The following TENM2 variants were observed in gnomAD, a reference collection of about 807,000 sequenced individuals.
TENM2 encodes teneurin transmembrane protein 2.
TENM2 carries 52 observed loss-of-function variants against 245.2 expected under a neutral mutation model. That is an observed-to-expected ratio of 0.21 (90% CI 0.17 to 0.27). The LOEUF is 0.27. Among genes scored for constraint, TENM2 ranks in the 10% least tolerant of loss-of-function variants. The pLI, the probability that TENM2 is intolerant of heterozygous loss-of-function variation, is 1.00. For missense variants in TENM2, 3,046 were observed against 3,666.8 expected (o/e 0.83, Z 4.37); for synonymous variants, 1,363 against 1,438.9 (o/e 0.95, Z 1.19).
At chr5:167,012,965 A>G in the TENM2 span, among the ~76,000 whole-genome samples, 1 of 152,202 alleles carries the variant, frequency 6.6e-6, no homozygotes, top group African/African-American at 2.4e-5. Flanking sequence ...AAAGGCTAAC[A>G]TAATTGGAGT....
At chr5:167,281,639 A>C (rs10052446), upstream of TENM2, among the ~76,000 whole-genome samples, 140,324 of 152,170 alleles carry the variant, frequency 0.92, 64,736 homozygotes, top group East Asian at 0.97. Context: ...AGGAAAAGAT[A>C]TCTGAGCAAC....
chr5:168,195,332 C>T (rs1761317245), intron 15 of TENM2, 37 bp downstream of exon 17: 4 of 1,556,014 alleles, frequency 2.6e-6, no homozygotes, highest in African/African-American at 2.7e-5. Context: ...TACTCAGGAC[C>T]ACACGTGTGT....
At chr5:168,085,697 A>G (rs1792391331) in intron 7 of TENM2, among the ~76,000 whole-genome samples, 1 of 152,224 alleles carries the variant, frequency 6.6e-6, no homozygotes, top group African/African-American at 2.4e-5. Context: ...ACTTTGCCAC[A>G]GGCCTGGCTG....
chr5:167,749,030 A>G (rs1761776121), intron 2 of TENM2, among the ~76,000 whole-genome samples: 1 of 152,118 alleles, frequency 6.6e-6, no homozygotes, highest in African/African-American at 2.4e-5. Flanking sequence ...TACAGGTGTA[A>G]GCCACCATGT....
chr5:167,739,179 G>C (rs1440981321), intron 2 of TENM2, among the ~76,000 whole-genome samples: 1 of 152,182 alleles, frequency 6.6e-6, no homozygotes, highest in African/African-American at 2.4e-5. Flanking sequence ...GGCCAGGAAT[G>C]GTGTTCTAGC....
At chr5:167,126,263 T>C in the TENM2 span, among the ~76,000 whole-genome samples, 2 of 152,066 alleles carry the variant, frequency 1.3e-5, no homozygotes, top group East Asian at 1.9e-4. Context: ...GAATAGATGA[T>C]TGGGCATATT....
At chr5:168,088,404 G>A (rs562163547) in intron 7 of TENM2, 1 of 152,316 alleles carries the variant, frequency 6.6e-6, no homozygotes, top group Admixed American at 6.5e-5. Flanking sequence ...AAAGACAGCT[G>A]TGACCAATGG....
intron 13 of TENM2, among the ~76,000 whole-genome samples, chr5:168,174,854 G>C (rs1042872440): frequency 1.3e-5 from 2 of 152,154 alleles, no homozygotes; most frequent in African/African-American, 4.8e-5. Context: ...AACTTCCCGG[G>C]ATCCATCCTC....
At chr5:167,403,580 C>T (rs1343484890) in intron 2 of TENM2, among the ~76,000 whole-genome samples, 2 of 152,106 alleles carry the variant, frequency 1.3e-5, no homozygotes, top group African/African-American at 4.8e-5. Flanking sequence ...ACTTTTATAA[C>T]ATTTTAAAAA....
the TENM2 span, among the ~76,000 whole-genome samples, chr5:167,094,001 A>G: frequency 6.6e-6 from 1 of 152,190 alleles, no homozygotes; most frequent in African/African-American, 2.4e-5. Flanking sequence ...GCGATGTCTC[A>G]GCTAAGTTTT....
intron 2 of TENM2, among the ~76,000 whole-genome samples, chr5:167,646,179 T>C (rs1561634079): frequency 3.1e-5 from 2 of 64,696 alleles, no homozygotes; most frequent in African/African-American, 5.6e-5. Flanking sequence ...GTTGTTTTCA[T>C]ATATATATAT....
chr5:168,185,176 T>TG (rs1760276745), intron 13 of TENM2: 1 of 152,176 alleles, frequency 6.6e-6, no homozygotes, highest in Non-Finnish European at 1.5e-5. Flanking sequence ...CAGACTTCCT[T>TG]GGGGAAGGAA....
intron 13 of TENM2, among the ~76,000 whole-genome samples, chr5:168,170,392 T>C (rs920391892): frequency 6.6e-6 from 1 of 152,038 alleles, no homozygotes; most frequent in African/African-American, 2.4e-5. Flanking sequence ...TAGTCCCAGC[T>C]ACTCAGGAAG....
chr5:167,243,763 C>T, the TENM2 span, among the ~76,000 whole-genome samples: 6 of 152,208 alleles, frequency 3.9e-5, no homozygotes, highest in South Asian at 1.0e-3. Flanking sequence ...TTCCCCTCTC[C>T]TCTTACCTTC....
chr5:167,831,750 G>A (rs912451516), intron 2 of TENM2, among the ~76,000 whole-genome samples: 2 of 152,102 alleles, frequency 1.3e-5, no homozygotes. Flanking sequence ...TTAAGCATCT[G>A]TCAGTGTCAT....
At chr5:167,815,972 TTGTGTGTGTGTGTG>T (rs34151147) in intron 2 of TENM2, among the ~76,000 whole-genome samples, 9 of 144,130 alleles carry the variant, frequency 6.2e-5, no homozygotes, top group Admixed American at 1.4e-4. Context: ...TTATGATCCT[TTGTGTGTGTGTGTG>T]TGTGTGTGTG....
At chr5:168,197,003 A>T (rs925251812) in intron 15 of TENM2, among the ~76,000 whole-genome samples, 1 of 152,158 alleles carries the variant, frequency 6.6e-6, no homozygotes, top group Admixed American at 6.5e-5. Context: ...CGTGCTTGAG[A>T]ATGCTCTGAG....
At chr5:168,157,377 G>A (rs773507960) in intron 12 of TENM2, among the ~76,000 whole-genome samples, 15 of 152,162 alleles carry the variant, frequency 9.9e-5, no homozygotes, top group Non-Finnish European at 2.2e-4. Context: ...GAAAGCTATT[G>A]AAGTGTTTCC....
chr5:167,368,536 A>C (rs1438467213), intron 1 of TENM2, among the ~76,000 whole-genome samples: 2 of 152,158 alleles, frequency 1.3e-5, no homozygotes, highest in African/African-American at 4.8e-5. Context: ...CGATATGACC[A>C]ATGATTTTTT....
Sources: allele counts gnomAD v4.1 joint callset (sites outside exome capture counted in the v4.1 genomes callset), GRCh38; gene constraint gnomAD v4.1.1; transcripts MANE v1.5; gene names NCBI Gene and HGNC (gene_info 2026-07-23, HGNC 2026-07-21).